Variants in FLRT2 observed in about 807,000 individuals in gnomAD.
The protein encoded by FLRT2 is leucine-rich repeat transmembrane protein FLRT2.
In FLRT2, 15 loss-of-function variants were observed where a neutral mutation model predicts 40.0. That is an observed-to-expected ratio of 0.38 (90% CI 0.25 to 0.58). The LOEUF is 0.58. Among genes scored for constraint, FLRT2 ranks in the 20% least tolerant of loss-of-function variants. FLRT2 has a pLI of 0.71. For synonymous variants in FLRT2, 380 were observed against 336.8 expected (o/e 1.13, Z -1.41); for missense variants, 726 against 840.0 (o/e 0.86, Z 1.68).
Position 85,637,350 on chromosome 14 carries a change from T to C in FLRT2, c.*13853T>C, listed in dbSNP as rs906875971. On this transcript the variant is annotated 3_prime_UTR_variant, in exon 2 of 2. Transcript: ENST00000330753. ...GCTTTGGCGTTCAAATATTGACTCA[T>C]TCACTTACCAGCTGTGTTCTCCAGT... 1.1e-4 allele frequency: 16 copies of C among 152,212 alleles called. No individual in the cohort carries two copies. The highest frequency in any genetic ancestry group is 3.6e-4 in the African/African-American group (15 of 41,454). The allele number at this position is 152,212 out of a possible 1,614,324, so 9.4% of individuals were successfully genotyped here. A position where few individuals can be genotyped will look rare whatever the true frequency, so the allele number is the denominator to read the frequency against.
At position 85,638,720 on chromosome 14, in the gene FLRT2, A is replaced by G. The variant is rs1894071950; in HGVS notation, c.*15223A>G. On this transcript the variant is annotated 3_prime_UTR_variant, in exon 2 of 2. Coordinates refer to ENST00000330753, the MANE Select transcript of FLRT2 (RefSeq NM_013231.6). The stretch of plus-strand genomic sequence containing the variant: ...TATTGAGCAGAGCGAAGTAACATTA[A>G]TTTGTGTTATAACCACTGAATGTTC... The G allele has an allele frequency of 6.6e-6, 1 of 152,170 alleles. No individual in the cohort carries two copies. The highest frequency in any genetic ancestry group is 2.4e-5 in the African/African-American group (1 of 41,450). The allele number at this position is 152,170 out of a possible 1,614,324, so 9.4% of individuals were successfully genotyped here. A position where few individuals can be genotyped will look rare whatever the true frequency, so the allele number is the denominator to read the frequency against.
At chr14:85,583,047 G>A (rs1891461479) in intron 1 of FLRT2, among the ~76,000 whole-genome samples, 1 of 152,010 alleles carries the variant, frequency 6.6e-6, no homozygotes, top group Non-Finnish European at 1.5e-5. Flanking sequence ...AGAACCTAGG[G>A]AAAATTCCCA....
chr14:85,544,061 C>G (rs1026287377), intron 1 of FLRT2, among the ~76,000 whole-genome samples: 2 of 152,190 alleles, frequency 1.3e-5, no homozygotes, highest in African/African-American at 4.8e-5. Flanking sequence ...ACCTGGAACA[C>G]AAGAAGATCT....
In FLRT2 at chr14:85,590,091, C is replaced by T. The variant is rs151337280; in HGVS notation, c.-376-31048C>T. ...TTTTTTTTAAACATAACATTATAGACCTTTTGAGCTCTTTGTTGTAGGATG... is the reference window on the plus strand; with the variant it reads ...TTTTTTTTAAACATAACATTATAGATCTTTTGAGCTCTTTGTTGTAGGATG... On this transcript the variant is annotated intron_variant, in intron 1 of 1. Transcript: ENST00000330753. 1.1e-4 allele frequency among the ~76,000 whole-genome samples: 17 copies of T among 150,518 alleles called. No homozygotes were observed. In the East Asian group the frequency reaches 3.3e-3, roughly 30 times the overall value.
At chr14:85,610,229 A>T (rs970354753) in intron 1 of FLRT2, among the ~76,000 whole-genome samples, 2 of 152,182 alleles carry the variant, frequency 1.3e-5, no homozygotes, top group Admixed American at 1.3e-4. Context: ...ACAGGTGGAA[A>T]AAAAAAAGTG....
chr14:85,538,545 A>G (rs1888805099), intron 1 of FLRT2, among the ~76,000 whole-genome samples: 1 of 32,316 alleles, frequency 3.1e-5, no homozygotes, highest in African/African-American at 5.5e-5. Context: ...TTCACATGTC[A>G]TACTGTTATA....
chr14:85,610,307 A>G (rs1484661808), intron 1 of FLRT2, among the ~76,000 whole-genome samples: 1 of 152,134 alleles, frequency 6.6e-6, no homozygotes, highest in East Asian at 1.9e-4. Context: ...ACAGAAGTTC[A>G]GAGCATACTT....
chr14:85,622,786 G>T lies in FLRT2; in HGVS notation c.1272G>T (p.Arg424=). The stretch of plus-strand genomic sequence containing the variant: ...GAGTGACCCCACCTATTTCTGAACG[G>T]ATCCAGCTCTCTATCCATTTTGTGA... ...RERVTPPISE[R]IQLSIHFVND... The change falls in exon 2 of 2, where the codon CGG becomes CGT. Residue 424 remains arginine (R), a synonymous_variant. Transcript: ENST00000330753. 6.2e-7 allele frequency: 1 copy of T among 1,614,094 alleles called. No homozygotes were observed. The highest frequency in any genetic ancestry group is 8.5e-7 in the Non-Finnish European group (1 of 1,180,018).
intron 1 of FLRT2, among the ~76,000 whole-genome samples, chr14:85,588,481 CT>C (rs1156633112): frequency 6.8e-6 from 1 of 147,910 alleles, no homozygotes; most frequent in African/African-American, 2.5e-5. Flanking sequence ...TTAATTTTTA[CT>C]TTTTTTGGGT....
intron 1 of FLRT2, among the ~76,000 whole-genome samples, chr14:85,594,791 G>T (rs1448395662): frequency 6.6e-6 from 1 of 152,068 alleles, no homozygotes; most frequent in Non-Finnish European, 1.5e-5. Flanking sequence ...AAAATCTGCC[G>T]TTACCTTTTG....
At chr14:85,542,006 G>C (rs1889010646) in intron 1 of FLRT2, among the ~76,000 whole-genome samples, 1 of 152,040 alleles carries the variant, frequency 6.6e-6, no homozygotes, top group South Asian at 2.1e-4. Flanking sequence ...CATGACTCTT[G>C]GCAGAGTCAT....
chr14:85,584,108 G>A (rs1595054013), intron 1 of FLRT2, among the ~76,000 whole-genome samples: 1 of 152,174 alleles, frequency 6.6e-6, no homozygotes, highest in African/African-American at 2.4e-5. Flanking sequence ...TCACCAGTGA[G>A]TTTGCAGGCT....
chr14:85,597,583 T>C (rs1408834212), intron 1 of FLRT2, among the ~76,000 whole-genome samples: 1 of 152,064 alleles, frequency 6.6e-6, no homozygotes, highest in Non-Finnish European at 1.5e-5. Context: ...TAAGATGGAG[T>C]TTTGCTCTTG....
rs915625159 is a variant in FLRT2 at position 85,644,025 on chromosome 14, G to C, written c.*20528G>C. 6.6e-6 allele frequency: 1 copy of C among 152,146 alleles called. No homozygotes were observed. 9.4% of individuals were successfully genotyped at this position (152,146 alleles called of 1,614,324 possible). On this transcript the variant is annotated 3_prime_UTR_variant, in exon 2 of 2. Coordinates refer to ENST00000330753, the MANE Select transcript of FLRT2 (RefSeq NM_013231.6). The stretch of plus-strand genomic sequence containing the variant: ...ATTGTGCAAATGAAGGAAAGATGCA[G>C]GTTTGGCAAATTGAAGCCAGACTAA...
intron 1 of FLRT2, among the ~76,000 whole-genome samples, chr14:85,533,677 C>T (rs1195742994): frequency 6.6e-6 from 1 of 152,052 alleles, no homozygotes; most frequent in Non-Finnish European, 1.5e-5. Flanking sequence ...GTGGCATGCC[C>T]GAACCCTGGA....
chr14:85,570,552 T>TTTTA (rs1174377946), intron 1 of FLRT2, among the ~76,000 whole-genome samples: 2 of 134,022 alleles, frequency 1.5e-5, no homozygotes, highest in African/African-American at 5.6e-5. Context: ...TTCTCCTTAT[T>TTTTA]TTTATTTATT....
At chr14:85,594,280 G>A (rs1892034025) in intron 1 of FLRT2, among the ~76,000 whole-genome samples, 2 of 152,194 alleles carry the variant, frequency 1.3e-5, no homozygotes, top group African/African-American at 4.8e-5. Context: ...TTAAGGGACA[G>A]GAGGAAAAAA....
Position 85,625,176 on chromosome 14 carries a change from A to T in FLRT2, c.*1679A>T, listed in dbSNP as rs1893620945. 1 of 167,094 alleles carries T rather than the reference A, an allele frequency of 6.0e-6. No individual in the cohort carries two copies. The highest frequency in any genetic ancestry group is 6.5e-5 in the Admixed American group (1 of 15,278). 10.4% of individuals were successfully genotyped at this position (167,094 alleles called of 1,614,324 possible). A position where few individuals can be genotyped will look rare whatever the true frequency, so the allele number is the denominator to read the frequency against. On this transcript the variant is annotated 3_prime_UTR_variant, in exon 2 of 2. Coordinates refer to ENST00000330753, the MANE Select transcript of FLRT2 (RefSeq NM_013231.6). ...GCTATAGATCACATACGTTATCAAA[A>T]ACTACTCCCTTGGAAAAAATATCTT...
intron 1 of FLRT2, among the ~76,000 whole-genome samples, chr14:85,530,958 T>C (rs1182244247): frequency 2.0e-5 from 3 of 152,186 alleles, no homozygotes; most frequent in Admixed American, 6.5e-5. Flanking sequence ...CCAGCGTTAT[T>C]ATCAGGCTGT....
Sources: gnomAD v4.1 joint callset for allele counts (sites outside exome capture counted in the v4.1 genomes callset) on GRCh38, gnomAD v4.1.1 for gene constraint, MANE v1.5 for transcripts, NCBI Gene and HGNC (gene_info 2026-07-23, HGNC 2026-07-21) for gene names.